ZYG11A: variants seen among roughly 807,000 people sequenced by gnomAD.
The protein encoded by ZYG11A is zyg-11 family member A, cell cycle regulator.
A neutral mutation model predicts 77.2 loss-of-function variants in ZYG11A; 62 were observed. The ratio of observed to expected loss-of-function variants is 0.80; its 90% CI spans 0.65 to 0.99. The LOEUF is 0.99. Ranked by LOEUF, ZYG11A falls within the 50% of genes least tolerant of loss-of-function variation. The pLI is 0.00. For missense variants in ZYG11A, 828 were observed against 896.8 expected (o/e 0.92, Z 0.98); for synonymous variants, 315 against 324.6 (o/e 0.97, Z 0.32).
At chr1:52,862,697 AAAAAT>A (rs1350716383) in intron 4 of ZYG11A, among the ~76,000 whole-genome samples, 1 of 152,198 alleles carries the variant, frequency 6.6e-6, no homozygotes, top group East Asian at 1.9e-4. Context: ...CCCAACTCAA[AAAAAT>A]AAAATAAATT....
In ZYG11A at chr1:52,857,901, C is replaced by T. The variant is rs541179959; in HGVS notation, c.1008+152C>T. On this transcript the variant is annotated intron_variant, in intron 3 of 13. Coordinates refer to ENST00000371528, the MANE Select transcript of ZYG11A (RefSeq NM_001004339.3). ...TTTAATAATTAATGATTATTATGTA[C>T]CTACTATGTGGAAGGTTGTGAGAAT... 1.2e-4 allele frequency among the ~76,000 whole-genome samples: 18 copies of T among 152,048 alleles called. No homozygotes were observed. The South Asian group carries it at 1.7e-3, about 14-fold the overall frequency.
chr1:52,868,858 A>T (rs967858148), intron 8 of ZYG11A, among the ~76,000 whole-genome samples: 2 of 150,714 alleles, frequency 1.3e-5, no homozygotes, highest in Admixed American at 6.6e-5. Flanking sequence ...TATTATATGA[A>T]TTTTTTTTTT....
chr1:52,857,802 C>T (rs183551234), intron 3 of ZYG11A, 53 bp downstream of exon 3: 27 of 1,461,796 alleles, frequency 1.8e-5, no homozygotes, highest in African/African-American at 2.8e-5. Context: ...CATTATTAAA[C>T]TCGTGCTATA....
chr1:52,850,508 CG>C (rs1195302808), intron 1 of ZYG11A, among the ~76,000 whole-genome samples: 2 of 151,948 alleles, frequency 1.3e-5, no homozygotes, highest in African/African-American at 4.8e-5. Flanking sequence ...TTAATAGAGA[CG>C]GGGTTTCACC....
chr1:52,874,330 G>A (rs1225476530), intron 8 of ZYG11A, among the ~76,000 whole-genome samples: 5 of 151,980 alleles, frequency 3.3e-5, no homozygotes, highest in African/African-American at 9.7e-5. Flanking sequence ...CTGCAGCCTC[G>A]ACCTCCTGGG....
intron 3 of ZYG11A, among the ~76,000 whole-genome samples, chr1:52,859,398 C>T (rs549433333): frequency 3.3e-5 from 5 of 151,110 alleles, no homozygotes; most frequent in African/African-American, 7.3e-5. Flanking sequence ...TGCAGTGACA[C>T]GATCTCTGCT....
At chr1:52,862,019 G>T (rs1201022070) in intron 4 of ZYG11A, among the ~76,000 whole-genome samples, 1 of 151,982 alleles carries the variant, frequency 6.6e-6, no homozygotes. Flanking sequence ...GAACAGCCTG[G>T]CCAACATGGT....
At chr1:52,866,226 C>T (rs575787323) in intron 5 of ZYG11A, among the ~76,000 whole-genome samples, 8 of 152,180 alleles carry the variant, frequency 5.3e-5, no homozygotes, top group South Asian at 2.1e-4. Flanking sequence ...CATGAGCCAC[C>T]GCACCCGGCC....
At chr1:52,870,468 GC>G (rs1196092675) in intron 8 of ZYG11A, among the ~76,000 whole-genome samples, 5 of 152,344 alleles carry the variant, frequency 3.3e-5, no homozygotes, top group African/African-American at 1.2e-4. Flanking sequence ...CGGCGGCCGG[GC>G]AGAGGCTGCA....
intron 8 of ZYG11A, among the ~76,000 whole-genome samples, chr1:52,877,123 CT>C (rs935510564): frequency 5.9e-5 from 9 of 152,082 alleles, no homozygotes; most frequent in African/African-American, 2.2e-4. Context: ...CTTCCTCCCC[CT>C]CTCCCCCCAG....
chr1:52,867,488 G>T (rs1646047341), intron 6 of ZYG11A, 51 bp from the exon 7 acceptor site: 1 of 1,233,682 alleles, frequency 8.1e-7, no homozygotes. Flanking sequence ...CTTCTGTGTA[G>T]TTTCACAAAC....
intron 2 of ZYG11A, among the ~76,000 whole-genome samples, chr1:52,854,860 G>A (rs1275915053): frequency 2.7e-5 from 4 of 147,786 alleles, no homozygotes; most frequent in Non-Finnish European, 6.0e-5. Flanking sequence ...TCATCCATCT[G>A]CTCTCTAGCT....
Position 52,868,185 on chromosome 1 carries a change from C to T in ZYG11A, c.1542+408C>T, listed in dbSNP as rs184455181. Among the ~76,000 whole-genome samples the T allele has an allele frequency of 1.6e-4, 25 of 151,666 alleles. 1 individual carries two copies. In the South Asian group the frequency reaches 3.3e-3, roughly 20 times the overall value. On this transcript the variant is annotated intron_variant, in intron 8 of 13. Coordinates refer to ENST00000371528, the MANE Select transcript of ZYG11A (RefSeq NM_001004339.3). ...TTCACCATGTTGGCCAGGCTGGTCT[C>T]GAACTCCTGACCTCGTGATCTGCGT...
intron 13 of ZYG11A, among the ~76,000 whole-genome samples, chr1:52,887,716 T>C (rs1310754133): frequency 6.6e-6 from 1 of 151,700 alleles, no homozygotes; most frequent in African/African-American, 2.4e-5. Flanking sequence ...ACCCCACCCA[T>C]GTTTTTTACA....
chr1:52,887,091 C>A, intron 13 of ZYG11A, 38 bp downstream of exon 13: 1 of 1,183,784 alleles, frequency 8.4e-7, no homozygotes, highest in Non-Finnish European at 1.2e-6. Flanking sequence ...TAATAGTTTT[C>A]CAGCTATTTT....
intron 13 of ZYG11A, among the ~76,000 whole-genome samples, chr1:52,890,559 G>T (rs1356767835): frequency 6.6e-6 from 1 of 151,474 alleles, no homozygotes; most frequent in Non-Finnish European, 1.5e-5. Context: ...TATTGTTGCT[G>T]TTGGGGTCTA....
chr1:52,864,202 A>G, intron 5 of ZYG11A, 45 bp downstream of exon 5: 1 of 1,529,816 alleles, frequency 6.5e-7, no homozygotes, highest in Non-Finnish European at 8.8e-7. Flanking sequence ...TGTTGTTGTT[A>G]ATAGTCTCAG....
chr1:52,867,715 G>GT lies in ZYG11A; in HGVS notation c.1492-9dup. On this transcript the variant is annotated splice_polypyrimidine_tract_variant and intron_variant, in intron 7 of 13. Transcript: ENST00000371528. ...TTCCATAGTTCACTTGAGCCTTTCTGTTTGCTTATAGCTCTCACCTGAGCA... is the reference window on the plus strand; with the variant it reads ...TTCCATAGTTCACTTGAGCCTTTCTGTTTTGCTTATAGCTCTCACCTGAGCA... 1 of 1,551,362 alleles carries GT rather than the reference G, an allele frequency of 6.4e-7. No individual in the cohort carries two copies. The highest frequency in any genetic ancestry group is 8.7e-7 in the Non-Finnish European group (1 of 1,146,916).
At chr1:52,846,265 T>G (rs1026390506) in intron 1 of ZYG11A, among the ~76,000 whole-genome samples, 1 of 145,254 alleles carries the variant, frequency 6.9e-6, no homozygotes, top group African/African-American at 2.6e-5. Flanking sequence ...TGTTCTCAAC[T>G]AAGCTAGTTT....
Sources: gnomAD v4.1 joint callset for allele counts (sites outside exome capture counted in the v4.1 genomes callset) on GRCh38, gnomAD v4.1.1 for gene constraint, MANE v1.5 for transcripts, NCBI Gene and HGNC (gene_info 2026-07-23, HGNC 2026-07-21) for gene names.